ESRRG: variants seen among roughly 807,000 people sequenced by gnomAD.
ESRRG encodes estrogen related receptor gamma, also known as estrogen-related receptor gamma.
A neutral mutation model predicts 44.0 loss-of-function variants in ESRRG; 13 were observed. The observed-to-expected ratio is 0.30, with a 90% CI of 0.19 to 0.47. The LOEUF (loss-of-function observed/expected upper bound fraction) is 0.47. Ranked by LOEUF, ESRRG falls within the 20% of genes least tolerant of loss-of-function variation. The pLI is 1.00. For synonymous variants in ESRRG, 215 were observed against 214.6 expected, an observed-to-expected ratio of 1.00 and a Z score of -0.02; for missense variants, 395 against 580.6, an observed-to-expected ratio of 0.68 and a Z score of 3.29.
At chr1:216,568,570 C>T (rs983429427) in intron 3 of ESRRG, among the ~76,000 whole-genome samples, 3 of 152,168 alleles carry the variant, frequency 2.0e-5, no homozygotes, top group Non-Finnish European at 2.9e-5. Flanking sequence ...ATAAAGAGCA[C>T]CTATGTGCTG....
chr1:216,998,740 T>C (rs149254859), intron 1 of ESRRG, among the ~76,000 whole-genome samples: 1 of 152,332 alleles, frequency 6.6e-6, no homozygotes, highest in African/African-American at 2.4e-5. Flanking sequence ...AAATTCTATA[T>C]CTCATAAATT....
At chr1:217,124,169 T>C (rs1259674839) in intron 1 of ESRRG, among the ~76,000 whole-genome samples, 1 of 152,168 alleles carries the variant, frequency 6.6e-6, no homozygotes, top group Admixed American at 6.5e-5. Context: ...CTCCTCTTTG[T>C]TCAAAGTGAT....
chr1:216,891,826 G>A lies in ESRRG; in HGVS notation c.-14+47756C>T, dbSNP rs1560007160. Among the ~76,000 whole-genome samples, 3 of 142,462 alleles carry A rather than the reference G, an allele frequency of 2.1e-5. No individual in the cohort carries two copies. The Admixed American group carries it at 2.1e-4, about 10-fold the overall frequency. 93.5% of individuals were successfully genotyped at this position (142,462 alleles called of 152,430 possible). On this transcript the variant is annotated intron_variant, in intron 2 of 7. Transcript: ENST00000359162. ...TTTTTTTTTTTTTTTTTGAGATGGA[G>A]GCTTGCTTTCTTGCCCAGGCTAGAG... is the stretch of plus-strand genomic sequence containing the variant.
intron 2 of ESRRG, among the ~76,000 whole-genome samples, chr1:216,735,973 C>T (rs1330470212): frequency 1.0e-4 from 4 of 38,526 alleles, no homozygotes; most frequent in Non-Finnish European, 2.7e-4. Flanking sequence ...GCAATACTCC[C>T]CATCTCAAAA....
At chr1:216,850,582 T>G (rs2095826506) in intron 2 of ESRRG, among the ~76,000 whole-genome samples, 1 of 152,094 alleles carries the variant, frequency 6.6e-6, no homozygotes. Flanking sequence ...AATTATATAA[T>G]ACACTGTACT....
chr1:216,924,094 T>C (rs2062194785), intron 2 of ESRRG, among the ~76,000 whole-genome samples: 1 of 152,108 alleles, frequency 6.6e-6, no homozygotes, highest in African/African-American at 2.4e-5. Flanking sequence ...AGTGAGCAAG[T>C]GGATCCAGAA....
At chr1:216,817,732 T>C (rs995227192) in intron 2 of ESRRG, among the ~76,000 whole-genome samples, 1 of 152,190 alleles carries the variant, frequency 6.6e-6, no homozygotes, top group African/African-American at 2.4e-5. Flanking sequence ...GTGGAAAATT[T>C]AGGGAATAGG....
At chr1:216,914,118 A>T (rs1264011430) in intron 2 of ESRRG, among the ~76,000 whole-genome samples, 1 of 150,650 alleles carries the variant, frequency 6.6e-6, no homozygotes, top group African/African-American at 2.4e-5. Context: ...CTTTTTTTTT[A>T]ACTTTACACT....
intron 1 of ESRRG, among the ~76,000 whole-genome samples, chr1:217,115,454 A>T (rs909293568): frequency 1.3e-5 from 2 of 151,880 alleles, no homozygotes; most frequent in Non-Finnish European, 2.9e-5. Context: ...ATCCGTAAAC[A>T]TTTCCCCTAC....
chr1:217,113,546 C>T (rs1026889993), intron 1 of ESRRG, among the ~76,000 whole-genome samples: 1 of 152,156 alleles, frequency 6.6e-6, no homozygotes, highest in Non-Finnish European at 1.5e-5. Context: ...ATGACAAAAT[C>T]CTGAACCTTA....
intron 3 of ESRRG, among the ~76,000 whole-genome samples, chr1:216,636,891 A>T (rs1202408426): frequency 1.3e-5 from 2 of 152,242 alleles, no homozygotes; most frequent in Non-Finnish European, 2.9e-5. Context: ...ATTCTCTAAC[A>T]TTTCTTAGGC....
chr1:217,084,669 G>T (rs981521490), intron 1 of ESRRG, among the ~76,000 whole-genome samples: 1 of 152,142 alleles, frequency 6.6e-6, no homozygotes, highest in African/African-American at 2.4e-5. Flanking sequence ...AAATTTGTTT[G>T]TATAGGGAAA....
At chr1:216,747,493 T>G (rs1422361998) in intron 2 of ESRRG, among the ~76,000 whole-genome samples, 1 of 152,164 alleles carries the variant, frequency 6.6e-6, no homozygotes, top group African/African-American at 2.4e-5. Flanking sequence ...CCCCTACCCC[T>G]ATGCCCAGCA....
At chr1:217,028,615 T>C (rs902434841) in intron 1 of ESRRG, among the ~76,000 whole-genome samples, 3 of 152,238 alleles carry the variant, frequency 2.0e-5, no homozygotes, top group African/African-American at 4.8e-5. Context: ...CCACCATCAC[T>C]ATTTCCTTCC....
chr1:216,761,753 C>T (rs923996704), intron 2 of ESRRG, among the ~76,000 whole-genome samples: 35 of 152,120 alleles, frequency 2.3e-4, no homozygotes, highest in Admixed American at 2.3e-3. Flanking sequence ...TAATACTTGT[C>T]AAGTAATGGG....
intron 1 of ESRRG, among the ~76,000 whole-genome samples, chr1:216,944,372 A>G (rs1488705841): frequency 6.6e-6 from 1 of 152,214 alleles, no homozygotes; most frequent in Non-Finnish European, 1.5e-5. Context: ...ATGGAAAGTT[A>G]GAAAGGAAAA....
At chr1:216,910,894 A>G (rs1217066940) in intron 2 of ESRRG, among the ~76,000 whole-genome samples, 2 of 152,238 alleles carry the variant, frequency 1.3e-5, no homozygotes, top group African/African-American at 4.8e-5. Flanking sequence ...GCATGTCTAC[A>G]TTAGAAAGCA....
rs150310779 is a variant in ESRRG at position 217,103,587 on chromosome 1, G to A, written c.-230+34080C>T. On this transcript the variant is annotated intron_variant, in intron 1 of 8. Transcript: ENST00000366940. ...GAGGGAGGATCACTTCAGCCCAGGC[G>A]TTTGAGGCTGCAGTGAGCTAGGACT... 8.4e-4 allele frequency among the ~76,000 whole-genome samples: 127 copies of A among 152,018 alleles called. No homozygotes were observed. In the East Asian group the frequency reaches 0.01, roughly 12 times the overall value.
chr1:216,692,912 T>C (rs555347557), intron 1 of ESRRG, among the ~76,000 whole-genome samples: 14 of 152,320 alleles, frequency 9.2e-5, no homozygotes, highest in African/African-American at 3.4e-4. Context: ...ATGATCTAGG[T>C]TGGTGTAAAT....
Sources: allele counts gnomAD v4.1 joint callset (sites outside exome capture counted in the v4.1 genomes callset), GRCh38; gene constraint gnomAD v4.1.1; transcripts MANE v1.5; gene names NCBI Gene and HGNC (gene_info 2026-07-23, HGNC 2026-07-21).